Variants in RYR2 observed in about 807,000 individuals in gnomAD.
RYR2 encodes ryanodine receptor 2.
RYR2 carries 227 observed loss-of-function variants against 601.1 expected under a neutral mutation model. The ratio of observed to expected loss-of-function variants is 0.38; its 90% CI spans 0.34 to 0.42. The LOEUF (loss-of-function observed/expected upper bound fraction) is 0.42. Ranked by LOEUF, RYR2 falls within the 10% of genes least tolerant of loss-of-function variation. The pLI is 1.00. For missense variants in RYR2, 4,646 were observed against 6,156.5 expected, an observed-to-expected ratio of 0.75 and a Z score of 8.21; for synonymous variants, 2,223 against 2,175.1, an observed-to-expected ratio of 1.02 and a Z score of -0.61.
chr1:237,590,958 T>C lies in RYR2; in HGVS notation c.4126T>C (p.Tyr1376His). The C allele has an allele frequency of 6.2e-7, 1 of 1,613,202 alleles. No individual in the cohort carries two copies. The highest frequency in any genetic ancestry group is 2.2e-5 in the East Asian group (1 of 44,840). The part of the protein sequence containing the change: ...TKPEFNNHKD[Y>H]AQEKPSRLKQ... ...ACCAGAGTTTAACAACCACAAAGAT[T>C]ATGCCCAGGAAAAGCCCTCTCGTCT... Residue 1376 changes from tyrosine to histidine, a missense_variant, in exon 31 of 105, where the codon TAT (tyrosine) becomes CAT (histidine). Tyr to His is a moderately conservative substitution (Grantham distance 83). Around this residue, in one of 17 missense-constraint regions of RYR2, gnomAD observed 1,807 missense variants for 2,088.1 expected, o/e 0.87. Coordinates refer to ENST00000366574, the MANE Select transcript of RYR2 (RefSeq NM_001035.3).
chr1:237,812,561 T>C (rs991468049), intron 100 of RYR2, among the ~76,000 whole-genome samples: 5 of 152,192 alleles, frequency 3.3e-5, no homozygotes, highest in Non-Finnish European at 5.9e-5. Context: ...GGTGGCTGGC[T>C]ACTAGACAGG....
At chr1:237,346,009 T>A (rs1461659849) in intron 3 of RYR2, among the ~76,000 whole-genome samples, 1 of 152,144 alleles carries the variant, frequency 6.6e-6, no homozygotes, top group Non-Finnish European at 1.5e-5. Flanking sequence ...CATTAAGGTT[T>A]ATGCAACAGC....
At chr1:237,190,753 A>G (rs904536390) in intron 1 of RYR2, among the ~76,000 whole-genome samples, 12 of 152,348 alleles carry the variant, frequency 7.9e-5, no homozygotes, top group African/African-American at 2.9e-4. Context: ...ATTTGATATC[A>G]GGGACTTGGG....
chr1:237,766,608 C>T (rs954035493), intron 84 of RYR2, among the ~76,000 whole-genome samples: 1 of 152,054 alleles, frequency 6.6e-6, no homozygotes, highest in African/African-American at 2.4e-5. Flanking sequence ...GCAGGGAGAT[C>T]AGTAAGGATG....
intron 14 of RYR2, among the ~76,000 whole-genome samples, chr1:237,453,115 A>G (rs901106340): frequency 1.3e-5 from 2 of 152,032 alleles, no homozygotes; most frequent in South Asian, 4.1e-4. Context: ...TAATGGGGTA[A>G]AATGTTTAGA....
chr1:237,547,760 G>A (rs557231385), intron 25 of RYR2, among the ~76,000 whole-genome samples: 4 of 152,176 alleles, frequency 2.6e-5, no homozygotes, highest in South Asian at 4.1e-4. Context: ...GTTTTATTAC[G>A]ATAATACCTT....
At chr1:237,450,774 C>T (rs1657990545) in intron 14 of RYR2, among the ~76,000 whole-genome samples, 2 of 152,158 alleles carry the variant, frequency 1.3e-5, no homozygotes, top group African/African-American at 2.4e-5. Flanking sequence ...AGTTATCTAA[C>T]ATCTGCTTTT....
intron 14 of RYR2, among the ~76,000 whole-genome samples, chr1:237,447,318 T>C (rs1657483290): frequency 6.6e-6 from 1 of 152,216 alleles, no homozygotes; most frequent in Non-Finnish European, 1.5e-5. Context: ...ATACCAAAAT[T>C]CATCTTGAAT....
At chr1:237,749,698 T>G (rs1017656282) in intron 80 of RYR2, among the ~76,000 whole-genome samples, 1 of 152,196 alleles carries the variant, frequency 6.6e-6, no homozygotes, top group Non-Finnish European at 1.5e-5. Context: ...TAAATTCTCT[T>G]CATTTTTAAG....
At chr1:237,211,016 G>C (rs898126293) in intron 1 of RYR2, among the ~76,000 whole-genome samples, 1 of 125,784 alleles carries the variant, frequency 8.0e-6, no homozygotes, top group Non-Finnish European at 1.9e-5. Context: ...TGTCAGGGAC[G>C]ATGTTTGGGC....
At chr1:237,156,776 T>A (rs1240139836) in intron 1 of RYR2, among the ~76,000 whole-genome samples, 1 of 152,184 alleles carries the variant, frequency 6.6e-6, no homozygotes, top group African/African-American at 2.4e-5. Flanking sequence ...ATGATCACAT[T>A]TAGCTGTGTA....
At chr1:237,686,625 G>A (rs1686418197) in intron 62 of RYR2, among the ~76,000 whole-genome samples, 1 of 152,110 alleles carries the variant, frequency 6.6e-6, no homozygotes, top group South Asian at 2.1e-4. Context: ...GAAAAGAAAG[G>A]ACAAACAGCA....
intron 27 of RYR2, among the ~76,000 whole-genome samples, chr1:237,564,564 C>T (rs943630164): frequency 1.3e-5 from 2 of 152,170 alleles, no homozygotes; most frequent in Non-Finnish European, 2.9e-5. Context: ...GCCACCGCGA[C>T]CCGCCAAGAA....
intron 1 of RYR2, among the ~76,000 whole-genome samples, chr1:237,083,798 C>A (rs1413869880): frequency 6.6e-6 from 1 of 152,108 alleles, no homozygotes; most frequent in Non-Finnish European, 1.5e-5. Flanking sequence ...GAAAGATGAC[C>A]AGGGAGCTCT....
rs192629014 is a variant in RYR2, at chr1:237,653,049, A to G, written c.7825-1225A>G. Among the ~76,000 whole-genome samples, 53 of 152,374 alleles carry G rather than the reference A, an allele frequency of 3.5e-4. 1 individual carries two copies. In the East Asian group the frequency reaches 9.1e-3, roughly 26 times the overall value. ...AGATCATTTTATTAATTTGACAAAT[A>G]TAGATCAAGAATAAATTATCCAAAG... On this transcript the variant is annotated intron_variant, in intron 51 of 104. Transcript: ENST00000366574.
intron 1 of RYR2, among the ~76,000 whole-genome samples, chr1:237,057,548 G>A (rs185340713): frequency 5.3e-5 from 8 of 152,226 alleles, no homozygotes; most frequent in East Asian, 3.9e-4. Context: ...GTAGACTCCC[G>A]ATTGCCAGAG....
intron 17 of RYR2, among the ~76,000 whole-genome samples, chr1:237,491,553 C>T (rs769808673): frequency 3.9e-5 from 6 of 152,186 alleles, no homozygotes; most frequent in Non-Finnish European, 8.8e-5. Context: ...GTAGCGTTAC[C>T]GGCTTCCTCT....
intron 78 of RYR2, 37 bp downstream of exon 78, chr1:237,732,186 G>C: frequency 5.5e-6 from 7 of 1,271,128 alleles, no homozygotes; most frequent in Non-Finnish European, 7.9e-6. Context: ...CATAGGAGGA[G>C]CAAATAAAGA....
At chr1:237,594,294 T>C (rs866087307) in intron 33 of RYR2, among the ~76,000 whole-genome samples, 1 of 152,206 alleles carries the variant, frequency 6.6e-6, no homozygotes, top group Non-Finnish European at 1.5e-5. Flanking sequence ...TCCTCTCTGA[T>C]CTGCTGTGAC....
Sources: gnomAD v4.1 joint callset for allele counts (sites outside exome capture counted in the v4.1 genomes callset) on GRCh38, gnomAD v4.1.1 for gene constraint, gnomAD v4.1.1 regional missense constraint, MANE v1.5 for transcripts, NCBI Gene and HGNC (gene_info 2026-07-23, HGNC 2026-07-21) for gene names.